The following DNAH9 variants were observed in gnomAD, a reference collection of about 807,000 sequenced individuals.
DNAH9 encodes the protein DNAH9 variant protein.
In DNAH9, 345 loss-of-function variants were observed where a neutral mutation model predicts 471.6. That is an observed-to-expected ratio of 0.73 (90% CI 0.67 to 0.80). The LOEUF (loss-of-function observed/expected upper bound fraction) is 0.80. DNAH9 is among the 30% of genes least tolerant of loss of function. DNAH9 has a pLI of 0.00. For missense variants in DNAH9, 5,407 were observed against 5,609.2 expected, an observed-to-expected ratio of 0.96 and a Z score of 1.15; for synonymous variants, 2,093 against 2,123.6, an observed-to-expected ratio of 0.99 and a Z score of 0.40.
intron 48 of DNAH9, among the ~76,000 whole-genome samples, chr17:11,834,145 A>T (rs1449241807): frequency 6.6e-6 from 1 of 151,974 alleles, no homozygotes; most frequent in South Asian, 2.1e-4. Flanking sequence ...CCTGACCAAC[A>T]TGGTGAAACC....
chr17:11,690,685 A>AG (rs2074319776), intron 20 of DNAH9, among the ~76,000 whole-genome samples: 1 of 142,372 alleles, frequency 7.0e-6, no homozygotes, highest in African/African-American at 2.8e-5. Context: ...AACCTCATTC[A>AG]GAAAAAAAAA....
chr17:11,908,123 C>A (rs1973668824), intron 61 of DNAH9, among the ~76,000 whole-genome samples: 1 of 152,122 alleles, frequency 6.6e-6, no homozygotes, highest in South Asian at 2.1e-4. Context: ...CCAGTCCTTG[C>A]ATATCCCAGT....
chr17:11,844,292 T>A (rs1029206020), intron 49 of DNAH9, among the ~76,000 whole-genome samples: 1 of 152,192 alleles, frequency 6.6e-6, no homozygotes, highest in Non-Finnish European at 1.5e-5. Flanking sequence ...AGAAGTTTAA[T>A]AATTTATTAT....
At chr17:11,815,965 A>G (rs1597687290) in intron 45 of DNAH9, among the ~76,000 whole-genome samples, 2 of 152,062 alleles carry the variant, frequency 1.3e-5, no homozygotes, top group Non-Finnish European at 2.9e-5. Flanking sequence ...ACACTGTGCT[A>G]CTTGCTGACA....
Position 11,744,940 on chromosome 17 carries a change from T to A in DNAH9, c.6255T>A (p.Asp2085Glu). ...RDFNIPKIVT[D>E]DMPIFMGLIG... is the part of the protein sequence containing the mutation. ...TCAACATCCCCAAGATTGTGACTGATGACATGCCCATCTTCATGGGCCTGA... is the reference window on the plus strand; with the variant it reads ...TCAACATCCCCAAGATTGTGACTGAAGACATGCCCATCTTCATGGGCCTGA... The change falls in exon 31 of 69, where the codon GAT becomes GAA. Residue 2085 changes from aspartate (D) to glutamate (E), a missense_variant. Asp to Glu is a conservative substitution (Grantham distance 45). Around this residue, in one of 3 missense-constraint regions of DNAH9, gnomAD observed 4,636 missense variants for 4,900.3 expected, o/e 0.95. Coordinates refer to ENST00000262442, the MANE Select transcript of DNAH9 (RefSeq NM_001372.4). 1.2e-6 allele frequency: 2 copies of A among 1,614,206 alleles called. No homozygotes were observed. Among genetic ancestry groups the A allele is most frequent in the Non-Finnish European group, 1.7e-6 (2 of 1,180,036 alleles).
At chr17:11,666,180 G>T (rs549762784) in intron 15 of DNAH9, among the ~76,000 whole-genome samples, 3 of 152,206 alleles carry the variant, frequency 2.0e-5, no homozygotes, top group Non-Finnish European at 2.9e-5. Flanking sequence ...AGCACTGGTG[G>T]TGTCCACCTT....
At chr17:11,744,086 C>T (rs2075476448) in intron 30 of DNAH9, among the ~76,000 whole-genome samples, 1 of 152,112 alleles carries the variant, frequency 6.6e-6, no homozygotes, top group Non-Finnish European at 1.5e-5. Context: ...CCTCGGCCTC[C>T]CAAATTGCTG....
chr17:11,666,570 T>A (rs1403328124), intron 15 of DNAH9, among the ~76,000 whole-genome samples: 2 of 152,222 alleles, frequency 1.3e-5, no homozygotes, highest in Non-Finnish European at 2.9e-5. Context: ...ATCAGCTGCC[T>A]GATCTGAAGC....
chr17:11,866,406 G>A (rs542106613), intron 50 of DNAH9, among the ~76,000 whole-genome samples: 28 of 152,300 alleles, frequency 1.8e-4, no homozygotes, highest in Admixed American at 1.6e-3. Flanking sequence ...ACCCGGCCGT[G>A]TGAGGTGTCA....
intron 14 of DNAH9, among the ~76,000 whole-genome samples, chr17:11,657,306 T>C (rs2150710556): frequency 6.6e-6 from 1 of 152,284 alleles, no homozygotes; most frequent in African/African-American, 2.4e-5. Flanking sequence ...TAATTTGTCT[T>C]TCCCTGAAGA....
rs559598340 is a variant in DNAH9, at chr17:11,773,964, T to C, written c.7552+4635T>C. On this transcript the variant is annotated intron_variant, in intron 38 of 68. Coordinates refer to ENST00000262442, the MANE Select transcript of DNAH9 (RefSeq NM_001372.4). ...GGCCAACATGGTGAAACCCTGTCTC[T>C]ATCAAAAATACAAAAAAAAAAATTA... Among the ~76,000 whole-genome samples, 268 of 151,880 alleles carry C rather than the reference T, an allele frequency of 1.8e-3. 2 individuals are homozygous for C. Among genetic ancestry groups the C allele is most frequent in the African/African-American group, 6.1e-3 (254 of 41,422 alleles).
At chr17:11,741,747 G>C (rs1437611627) in intron 29 of DNAH9, among the ~76,000 whole-genome samples, 1 of 152,166 alleles carries the variant, frequency 6.6e-6, no homozygotes, top group Non-Finnish European at 1.5e-5. Flanking sequence ...AAGAATAGGG[G>C]AACTCTCAGT....
Position 11,942,312 on chromosome 17 carries a change from C to T in DNAH9, c.12670C>T (p.Leu4224Phe), listed in dbSNP as rs1158440295. 6.2e-7 allele frequency: 1 copy of T among 1,613,992 alleles called. No homozygotes were observed. The highest frequency in any genetic ancestry group is 1.1e-5 in the South Asian group (1 of 91,052). ...GATREEKVKALLEEILERVTD... is the reference protein window; with the variant it reads ...GATREEKVKAFLEEILERVTD... The stretch of plus-strand genomic sequence containing the variant: ...TCCTTCTGTGGGGCAGGTCAAGGCA[C>T]TTCTGGAAGAAATATTGGAGCGGGT... The change falls in exon 67 of 69, where the codon CTT (leucine) becomes TTT (phenylalanine). Residue 4224 changes from leucine to phenylalanine, a missense_variant. Leu to Phe is a conservative substitution (Grantham distance 22). This residue lies in a region of DNAH9 where 4,636 missense variants were observed against 4,900.3 expected (regional missense o/e 0.95). Transcript: ENST00000262442.
intron 50 of DNAH9, among the ~76,000 whole-genome samples, chr17:11,865,380 G>A (rs1206340370): frequency 2.6e-5 from 4 of 151,952 alleles, no homozygotes; most frequent in African/African-American, 7.2e-5. Flanking sequence ...AGTTTCTGCC[G>A]AGAGATCCGC....
At chr17:11,791,633 C>A (rs532191407) in intron 41 of DNAH9, among the ~76,000 whole-genome samples, 1 of 152,116 alleles carries the variant, frequency 6.6e-6, no homozygotes, top group African/African-American at 2.4e-5. Context: ...ATTGCTTGAA[C>A]CCGGGAGGTG....
chr17:11,820,947 A>G (rs558403399), intron 45 of DNAH9, among the ~76,000 whole-genome samples: 1 of 152,224 alleles, frequency 6.6e-6, no homozygotes, highest in East Asian at 1.9e-4. Flanking sequence ...TTTATAGTTA[A>G]ATCATTGATT....
Position 11,933,374 on chromosome 17 carries a change from C to CT in DNAH9, c.12298-496dup, listed in dbSNP as rs994753874. On this transcript the variant is annotated intron_variant, in intron 64 of 68. Transcript: ENST00000262442. ...TCACTCTTTGATGTAATTCTTCAAG[C>CT]TTTTTTTTTTCTTCTTTTTTTTTGA... Among the ~76,000 whole-genome samples the CT allele has an allele frequency of 7.3e-4, 109 of 149,044 alleles. 1 individual carries two copies. The East Asian group carries it at 0.012, about 16-fold the overall frequency.
intron 38 of DNAH9, among the ~76,000 whole-genome samples, chr17:11,776,634 A>G (rs1045388260): frequency 6.6e-6 from 1 of 152,238 alleles, no homozygotes; most frequent in South Asian, 2.1e-4. Flanking sequence ...GTCTAATTTC[A>G]TGAAACTATG....
intron 67 of DNAH9, among the ~76,000 whole-genome samples, chr17:11,946,888 A>G (rs1284647450): frequency 6.6e-6 from 1 of 152,164 alleles, no homozygotes; most frequent in African/African-American, 2.4e-5. Context: ...CTGGGCACCA[A>G]GGTTAGAAAA....
Sources: gnomAD v4.1 joint callset for allele counts (sites outside exome capture counted in the v4.1 genomes callset) on GRCh38, gnomAD v4.1.1 for gene constraint, gnomAD v4.1.1 regional missense constraint, MANE v1.5 for transcripts, NCBI Gene and HGNC (gene_info 2026-07-23, HGNC 2026-07-21) for gene names.